Variants in THRA observed in about 807,000 individuals in gnomAD.
The protein encoded by THRA is thyroid hormone receptor alpha.
A neutral mutation model predicts 45.0 loss-of-function variants in THRA; 13 were observed. The observed-to-expected ratio is 0.29, with a 90% CI of 0.19 to 0.46. The LOEUF (loss-of-function observed/expected upper bound fraction) is 0.46. Among genes scored for constraint, THRA ranks in the 20% least tolerant of loss-of-function variants. The pLI, the probability that THRA is intolerant of heterozygous loss-of-function variation, is 1.00. For synonymous variants in THRA, 195 were observed against 214.0 expected (o/e 0.91, Z 0.78); for missense variants, 278 against 556.1 (o/e 0.50, Z 5.03).
At chr17:40,087,916 G>A (rs755998609) in intron 7 of THRA, among the ~76,000 whole-genome samples, 3 of 152,090 alleles carry the variant, frequency 2.0e-5, no homozygotes, top group Non-Finnish European at 4.4e-5. Context: ...GTGCCACCAC[G>A]CCCAACTAAT....
At chr17:40,081,418 C>T (rs898096128) in intron 4 of THRA, among the ~76,000 whole-genome samples, 2 of 151,876 alleles carry the variant, frequency 1.3e-5, no homozygotes, top group Non-Finnish European at 1.5e-5. Context: ...ACGCCACAAC[C>T]CCTGGCCAAT....
chr17:40,092,303 C>G lies in THRA; in HGVS notation c.*2847C>G, dbSNP rs1987600025. 7.8e-6 allele frequency: 1 copy of G among 128,106 alleles called. No individual in the cohort carries two copies. The highest frequency in any genetic ancestry group is 2.5e-4 in the East Asian group (1 of 3,952). 7.9% of individuals were successfully genotyped at this position (128,106 alleles called of 1,614,324 possible). On this transcript the variant is annotated 3_prime_UTR_variant, in exon 9 of 9. Transcript: ENST00000450525. The stretch of plus-strand genomic sequence containing the variant: ...CATAAGGAGGACAGTAACTCCTGCC[C>G]TGGGAACTCCTGGGCGGGGGGGAGG...
chr17:40,063,176 C>A (rs1041310871), intron 1 of THRA, 84 bp downstream of exon 1: 1 of 152,482 alleles, frequency 6.6e-6, no homozygotes, highest in African/African-American at 2.4e-5. Context: ...GTGGCCAGCT[C>A]CCAGGCGGGC....
chr17:40,085,362 G>A (rs2145078237), intron 6 of THRA, among the ~76,000 whole-genome samples: 1 of 151,756 alleles, frequency 6.6e-6, no homozygotes, highest in African/African-American at 2.4e-5. Flanking sequence ...TTGATACGGA[G>A]TCTCACTCTC....
In THRA at chr17:40,089,257, AC is replaced by A; in HGVS notation, c.1036del (p.Leu346CysfsTer23). Reference protein sequence around the residue: ...VDKIEKSQEAYLLAFEHYVNH... With the variant: ...VDKIEKSQEAXLLAFEHYVNH... The stretch of plus-strand genomic sequence containing the variant: ...AAGATCGAGAAGAGTCAGGAGGCGT[AC>A]CTGCTGGCGTTCGAGCACTACGTCA... On this transcript the variant is annotated frameshift_variant, in exon 9 of 9. Transcript: ENST00000450525. LOFTEE classifies it high-confidence loss of function. This position sits in a 1 kb window ranked among gnomAD's most constrained non-coding sequence, Gnocchi z 6.1. 6.2e-7 allele frequency: 1 copy of A among 1,613,992 alleles called. No homozygotes were observed. The highest frequency in any genetic ancestry group is 8.5e-7 in the Non-Finnish European group (1 of 1,180,004).
At chr17:40,083,134 A>G (rs1987205220) in intron 4 of THRA, among the ~76,000 whole-genome samples, 2 of 151,242 alleles carry the variant, frequency 1.3e-5, no homozygotes, top group African/African-American at 4.9e-5. Context: ...TCACCGTGTT[A>G]GCCAGGATGG....
chr17:40,062,813 G>GCGGCCTGCAGGGAGCAGCCGCGAGC (rs1567645381), upstream of THRA: 1 of 144,930 alleles, frequency 6.9e-6, no homozygotes, highest in African/African-American at 2.5e-5. Flanking sequence ...CGGCGGCGAG[G>GCGGCCTGCAGGGAGCAGCCGCGAGC]CGGCCTGCAG....
At chr17:40,074,610 CT>C (rs1986886708) in intron 2 of THRA, 69 bp downstream of exon 2, 5 of 1,552,752 alleles carry the variant, frequency 3.2e-6, no homozygotes, top group Non-Finnish European at 4.4e-6. Flanking sequence ...CTGAGCTCTC[CT>C]TTAGGCACCG....
intron 1 of THRA, among the ~76,000 whole-genome samples, chr17:40,071,048 C>A (rs1986757387): frequency 2.0e-5 from 3 of 151,720 alleles, no homozygotes; most frequent in African/African-American, 2.4e-5. Flanking sequence ...TGTCCCATTT[C>A]TTTGTTCTTC....
intron 1 of THRA, chr17:40,071,963 G>A (rs528203682): frequency 6.6e-6 from 1 of 152,188 alleles, no homozygotes; most frequent in African/African-American, 2.4e-5. Flanking sequence ...CCACTACCAG[G>A]GGCTGACTGT....
intron 4 of THRA, 22 bp from the exon 5 acceptor site, chr17:40,083,813 T>C: frequency 6.3e-7 from 1 of 1,581,860 alleles, no homozygotes; most frequent in South Asian, 1.2e-5. Flanking sequence ...GATCACAGCC[T>C]GCTCCATCTC....
In THRA at chr17:40,088,379, C is replaced by G. The variant is rs1420675109; in HGVS notation, c.861C>G (p.Leu287=). ...AGATGGCTGTCAAGCGGGAGCAGCTCAAGAATGGCGGCCTGGGCGTAGTCT... is the reference window on the plus strand; with the variant it reads ...AGATGGCTGTCAAGCGGGAGCAGCTGAAGAATGGCGGCCTGGGCGTAGTCT... ...SGEMAVKREQ[L]KNGGLGVVSD... is the part of the protein sequence containing the mutation. The change falls in exon 8 of 9, where the codon CTC becomes CTG. Residue 287 remains leucine, a synonymous_variant. Coordinates refer to ENST00000450525, the MANE Select transcript of THRA (RefSeq NM_199334.5). 3 of 1,614,056 alleles carry G rather than the reference C, an allele frequency of 1.9e-6. No homozygotes were observed. Among genetic ancestry groups the G allele is most frequent in the African/African-American group, 2.7e-5 (2 of 74,936 alleles).
chr17:40,089,331 A>C lies in THRA; in HGVS notation c.1108A>C (p.Lys370Gln). 1 of 1,614,124 alleles carries C rather than the reference A, an allele frequency of 6.2e-7. No individual in the cohort carries two copies. Among genetic ancestry groups the C allele is most frequent in the Non-Finnish European group, 8.5e-7 (1 of 1,180,028 alleles). Reference protein sequence around the residue: ...IPHFWPKLLMKVTDLRMIGAC... With the variant: ...IPHFWPKLLMQVTDLRMIGAC... ...GCACTTCTGGCCCAAGCTGCTGATG[A>C]AGGTGACTGACCTCCGCATGATCGG... Residue 370 changes from lysine to glutamine, a missense_variant, in exon 9 of 9, where the codon AAG (lysine) becomes CAG (glutamine). Transcript: ENST00000450525. The surrounding 1 kb of genome is among the most constrained non-coding windows in gnomAD (Gnocchi z 6.1).
chr17:40,076,178 A>G (rs1328040792), intron 2 of THRA, among the ~76,000 whole-genome samples: 1 of 152,210 alleles, frequency 6.6e-6, no homozygotes, highest in Non-Finnish European at 1.5e-5. Flanking sequence ...GTCACCAGGC[A>G]CAAGCAGGGT....
intron 1 of THRA, 64 bp from the exon 2 acceptor site, chr17:40,074,128 A>G: frequency 3.9e-6 from 1 of 257,080 alleles, no homozygotes; most frequent in South Asian, 4.7e-5. Context: ...TTGCCACCAA[A>G]GGGATCCTAC....
Position 40,084,880 on chromosome 17 carries a change from A to G in THRA, c.576+65A>G, listed in dbSNP as rs556761817. 2.7e-4 allele frequency: 416 copies of G among 1,567,970 alleles called. 7 individuals carry two copies. In the South Asian group the frequency reaches 4.5e-3, roughly 17 times the overall value. Reference sequence around the variant, plus strand: ...GGCAGGGAGAAGAGAGTGAGCTCGGAGTCTTGCCTCCTCCAGGAAGTCTTC... The same window carrying G: ...GGCAGGGAGAAGAGAGTGAGCTCGGGGTCTTGCCTCCTCCAGGAAGTCTTC... On this transcript the variant is annotated intron_variant, in intron 6 of 8. Coordinates refer to ENST00000450525, the MANE Select transcript of THRA (RefSeq NM_199334.5).
At position 40,089,775 on chromosome 17, in the gene THRA, T is replaced by A; in HGVS notation, c.*319T>A. ...AGGATTGAGAAGGGACAAGCCACCT[T>A]GACCGTAGGGGAAGGAGGAATGTGG... On this transcript the variant is annotated 3_prime_UTR_variant, in exon 9 of 9. Coordinates refer to ENST00000450525, the MANE Select transcript of THRA (RefSeq NM_199334.5). The surrounding 1 kb of genome is among the most constrained non-coding windows in gnomAD (Gnocchi z 6.1). The A allele has an allele frequency of 1.7e-6, 2 of 1,191,598 alleles. No homozygotes were observed. The highest frequency in any genetic ancestry group is 2.1e-6 in the Non-Finnish European group (2 of 952,198). 73.8% of individuals were successfully genotyped at this position (1,191,598 alleles called of 1,614,324 possible).
chr17:40,064,497 A>G (rs1407590911), intron 1 of THRA, among the ~76,000 whole-genome samples: 1 of 152,218 alleles, frequency 6.6e-6, no homozygotes, highest in Non-Finnish European at 1.5e-5. Flanking sequence ...CAACACATGT[A>G]TACACAACTT....
intron 1 of THRA, among the ~76,000 whole-genome samples, chr17:40,067,441 G>A (rs1986613547): frequency 6.6e-6 from 1 of 152,224 alleles, no homozygotes; most frequent in Non-Finnish European, 1.5e-5. Context: ...ACCCAGCTCT[G>A]GCTGATAGGC....
Sources: gnomAD v4.1 joint callset for allele counts (sites outside exome capture counted in the v4.1 genomes callset) on GRCh38, gnomAD v4.1.1 for gene constraint, Gnocchi (gnomAD v3.1) non-coding constraint, MANE v1.5 for transcripts, NCBI Gene and HGNC (gene_info 2026-07-23, HGNC 2026-07-21) for gene names.